Variants in CREB5 observed in about 807,000 individuals in gnomAD.
CREB5 encodes the protein cyclic AMP-responsive element-binding protein 5.
In CREB5, 19 loss-of-function variants were observed where a neutral mutation model predicts 57.1. That is an observed-to-expected ratio of 0.33 (90% confidence interval 0.23 to 0.49). CREB5 has a LOEUF of 0.49. CREB5 is among the 20% of genes least tolerant of loss of function. The probability of loss-of-function intolerance (pLI) is 0.99; values close to 1 mark genes in which losing one functional copy is unlikely to be tolerated. For synonymous variants in CREB5, 238 were observed against 238.3 expected (o/e 1.00, Z 0.01); for missense variants, 579 against 671.6 (o/e 0.86, Z 1.52).
At chr7:28,533,343 A>G (rs1793813175) in intron 4 of CREB5, among the ~76,000 whole-genome samples, 1 of 152,202 alleles carries the variant, frequency 6.6e-6, no homozygotes, top group South Asian at 2.1e-4. Context: ...AGGGAAAAAA[A>G]GTAATTGTCC....
At chr7:28,384,087 A>T (rs1271117618) in intron 1 of CREB5, among the ~76,000 whole-genome samples, 4 of 152,184 alleles carry the variant, frequency 2.6e-5, no homozygotes, top group Non-Finnish European at 5.9e-5. Context: ...ACAGACGGCC[A>T]TCTGAGCTGA....
intron 1 of CREB5, among the ~76,000 whole-genome samples, chr7:28,344,113 T>C (rs910481621): frequency 6.6e-6 from 1 of 152,058 alleles, no homozygotes; most frequent in Non-Finnish European, 1.5e-5. Context: ...TTGTCAGATG[T>C]ATAGTTTGGA....
intron 7 of CREB5, among the ~76,000 whole-genome samples, chr7:28,790,838 A>G (rs1188512054): frequency 6.6e-6 from 1 of 152,228 alleles, no homozygotes; most frequent in Non-Finnish European, 1.5e-5. Flanking sequence ...GCTGGTTGGA[A>G]TATGTCACAG....
rs932151741 is a variant in CREB5 at position 28,594,389 on chromosome 7, C to A, written c.464+23852C>A. 8.5e-5 allele frequency among the ~76,000 whole-genome samples: 13 copies of A among 152,300 alleles called. No homozygotes were observed. The East Asian group carries it at 1.9e-3, about 23-fold the overall frequency. ...AGGTAAATCTAGTTACCGCCCTCCA[C>A]AACTCTGGTTTCAAGGATTACAGCC... On this transcript the variant is annotated intron_variant, in intron 5 of 10. Coordinates refer to ENST00000357727, the MANE Select transcript of CREB5 (RefSeq NM_182898.4).
In CREB5 at chr7:28,824,290, G is replaced by A. The variant is rs1809945280; in HGVS notation, c.*5011G>A. The A allele has an allele frequency of 6.6e-6, 1 of 152,624 alleles. No individual in the cohort carries two copies. Among genetic ancestry groups the A allele is most frequent in the South Asian group, 2.1e-4 (1 of 4,828 alleles). The allele number at this position is 152,624 out of a possible 1,614,324, so 9.5% of individuals were successfully genotyped here. ...ATGTTATATTATGCAACAGATGTGA[G>A]GCAGCAGCTAAGCTATACTTAAGAA... is the stretch of plus-strand genomic sequence containing the variant. On this transcript the variant is annotated 3_prime_UTR_variant, in exon 11 of 11. Coordinates refer to ENST00000357727, the MANE Select transcript of CREB5 (RefSeq NM_182898.4).
chr7:28,590,625 T>G (rs569485553), intron 5 of CREB5, among the ~76,000 whole-genome samples: 3 of 151,364 alleles, frequency 2.0e-5, no homozygotes, highest in Non-Finnish European at 2.9e-5. Flanking sequence ...CATGTATACA[T>G]GTGTAACAAA....
At chr7:28,466,723 C>T (rs1490117360) in intron 1 of CREB5, among the ~76,000 whole-genome samples, 6 of 152,156 alleles carry the variant, frequency 3.9e-5, no homozygotes, top group African/African-American at 1.4e-4. Flanking sequence ...GGCGCTTAGA[C>T]GACATCTCTC....
rs61736232 is a variant in CREB5, at chr7:28,804,495, G to T, written c.999G>T (p.Pro333=). ...HPAHHQTSPH[P]PLHTGNQAQV... is the part of the protein sequence containing the mutation. ...CACATCACCAGACCTCGCCACATCC[G>T]CCCCTGCACACCGGCAACCAAGCAC... Residue 333 remains proline, a synonymous_variant, in exon 8 of 11, where the codon CCG becomes CCT. Coordinates refer to ENST00000357727, the MANE Select transcript of CREB5 (RefSeq NM_182898.4). The T allele has an allele frequency of 6.2e-7, 1 of 1,613,752 alleles. No homozygotes were observed. Among genetic ancestry groups the T allele is most frequent in the Non-Finnish European group, 8.5e-7 (1 of 1,179,866 alleles).
At chr7:28,321,313 T>TTGTACA (rs1411154664) in intron 1 of CREB5, among the ~76,000 whole-genome samples, 2 of 152,108 alleles carry the variant, frequency 1.3e-5, no homozygotes, top group Admixed American at 1.3e-4. Flanking sequence ...ATTAGCATGA[T>TTGTACA]TGTACATGCG....
At chr7:28,501,444 C>T (rs567140126) in intron 3 of CREB5, among the ~76,000 whole-genome samples, 1 of 152,314 alleles carries the variant, frequency 6.6e-6, no homozygotes, top group Admixed American at 6.5e-5. Context: ...GCTGGTCAAG[C>T]AAAATGGAAT....
chr7:28,463,122 G>T (rs918060865), intron 1 of CREB5, among the ~76,000 whole-genome samples: 1 of 151,938 alleles, frequency 6.6e-6, no homozygotes, highest in African/African-American at 2.4e-5. Flanking sequence ...TTGAATTAGG[G>T]ATCCACCTTT....
At chr7:28,312,383 G>C (rs748186512) in intron 1 of CREB5, among the ~76,000 whole-genome samples, 3 of 152,154 alleles carry the variant, frequency 2.0e-5, no homozygotes, top group African/African-American at 7.2e-5. Flanking sequence ...TTTCACAGAG[G>C]GGGAGGCACA....
At chr7:28,311,721 GT>G (rs1408191663) in intron 1 of CREB5, among the ~76,000 whole-genome samples, 1 of 152,214 alleles carries the variant, frequency 6.6e-6, no homozygotes, top group African/African-American at 2.4e-5. Flanking sequence ...TGCCTGGCCG[GT>G]GTACTCCTGG....
At chr7:28,464,277 A>G (rs1488021145) in intron 1 of CREB5, among the ~76,000 whole-genome samples, 5 of 152,146 alleles carry the variant, frequency 3.3e-5, no homozygotes, top group African/African-American at 1.2e-4. Context: ...CTATATTCAT[A>G]AGAAATATTG....
upstream of CREB5, chr7:28,409,712 G>A: frequency 3.0e-6 from 1 of 334,778 alleles, no homozygotes; most frequent in South Asian, 2.3e-5. The surrounding 1 kb of genome is among the most constrained non-coding windows in gnomAD (Gnocchi z 4.4). Context: ...GTGTCCTGAG[G>A]CCACCCTAGA....
At chr7:28,445,271 G>A (rs578110700) in intron 1 of CREB5, among the ~76,000 whole-genome samples, 7 of 152,176 alleles carry the variant, frequency 4.6e-5, no homozygotes, top group Non-Finnish European at 7.4e-5. Flanking sequence ...TGTGAGAACC[G>A]ACTAATACAT....
chr7:28,514,000 A>G (rs1792825734), intron 4 of CREB5, among the ~76,000 whole-genome samples: 1 of 151,618 alleles, frequency 6.6e-6, no homozygotes. Flanking sequence ...GACACTTAAT[A>G]TTAAGTGTTC....
At chr7:28,518,373 C>T (rs1488707988) in intron 4 of CREB5, among the ~76,000 whole-genome samples, 1 of 152,174 alleles carries the variant, frequency 6.6e-6, no homozygotes, top group Non-Finnish European at 1.5e-5. Flanking sequence ...ACAGGTGATG[C>T]AGCACTGGGC....
At chr7:28,766,872 C>A (rs1806027621) in intron 7 of CREB5, among the ~76,000 whole-genome samples, 1 of 152,168 alleles carries the variant, frequency 6.6e-6, no homozygotes, top group African/African-American at 2.4e-5. Context: ...AAGAGAGGTT[C>A]TATGTACAAG....
Sources: gnomAD v4.1 joint callset for allele counts (sites outside exome capture counted in the v4.1 genomes callset) on GRCh38, gnomAD v4.1.1 for gene constraint, Gnocchi (gnomAD v3.1) non-coding constraint, MANE v1.5 for transcripts, NCBI Gene and HGNC (gene_info 2026-07-23, HGNC 2026-07-21) for gene names.